CYRIA: variants seen among roughly 807,000 people sequenced by gnomAD.
CYRIA encodes CYFIP-related Rac1 interactor A.
CYRIA carries 15 observed loss-of-function variants against 43.9 expected under a neutral mutation model. That is an observed-to-expected ratio of 0.34 (90% confidence interval 0.23 to 0.53). The LOEUF (loss-of-function observed/expected upper bound fraction) is 0.53. CYRIA is among the 20% of genes least tolerant of loss of function. CYRIA has a pLI of 0.94. For synonymous variants in CYRIA, 117 were observed against 136.0 expected (o/e 0.86, Z 0.97); for missense variants, 236 against 394.2 (o/e 0.60, Z 3.40).
intron 2 of CYRIA, among the ~76,000 whole-genome samples, chr2:16,607,317 C>A (rs974529429): frequency 4.2e-4 from 3 of 7,182 alleles, no homozygotes; most frequent in African/African-American, 6.5e-4. Flanking sequence ...CAGGGAGGGG[C>A]GGGTGGGGGG....
intron 1 of CYRIA, among the ~76,000 whole-genome samples, chr2:16,649,607 C>T (rs546247446): frequency 6.6e-6 from 1 of 151,408 alleles, no homozygotes; most frequent in Non-Finnish European, 1.5e-5. Flanking sequence ...CAGTACAGGG[C>T]ATGGTTGTAC....
chr2:16,660,319 C>T (rs1307467929), intron 1 of CYRIA, among the ~76,000 whole-genome samples: 1 of 152,236 alleles, frequency 6.6e-6, no homozygotes, highest in Non-Finnish European at 1.5e-5. Context: ...CTTAGGTGGG[C>T]AGCCTTCCAG....
At chr2:16,581,719 A>G (rs537908368) in intron 3 of CYRIA, among the ~76,000 whole-genome samples, 23 of 152,322 alleles carry the variant, frequency 1.5e-4, no homozygotes, top group South Asian at 6.2e-4. Flanking sequence ...GTATTTACCC[A>G]AGGAATATAA....
At chr2:16,638,263 C>A (rs1468250795) in intron 1 of CYRIA, among the ~76,000 whole-genome samples, 3 of 152,300 alleles carry the variant, frequency 2.0e-5, no homozygotes, top group East Asian at 3.9e-4. Flanking sequence ...AGGTATGGTA[C>A]CTCCATCTTG....
At chr2:16,664,705 G>A (rs1670344731) in intron 1 of CYRIA, among the ~76,000 whole-genome samples, 1 of 152,210 alleles carries the variant, frequency 6.6e-6, no homozygotes, top group African/African-American at 2.4e-5. Flanking sequence ...CTGTGCAGAT[G>A]GCCCAGGTCC....
chr2:16,592,458 G>A (rs35755986), intron 2 of CYRIA, among the ~76,000 whole-genome samples: 31,595 of 151,924 alleles, frequency 0.21, 3,705 homozygotes, highest in Admixed American at 0.29. Flanking sequence ...TCCTCTCTGG[G>A]AGGCCTTTTA....
chr2:16,644,367 C>CT (rs1168197860), intron 1 of CYRIA, among the ~76,000 whole-genome samples: 8 of 152,248 alleles, frequency 5.3e-5, no homozygotes, highest in African/African-American at 1.9e-4. Context: ...AGATCAGTCC[C>CT]TTTGGTGGAT....
chr2:16,554,940 T>A, intron 11 of CYRIA, 129 bp downstream of exon 11: 2 of 585,740 alleles, frequency 3.4e-6, no homozygotes, highest in Non-Finnish European at 5.8e-6. Flanking sequence ...CTCAAAAGAT[T>A]GTTAGGAAGA....
At chr2:16,555,748 CT>C (rs1324409764) in intron 10 of CYRIA, among the ~76,000 whole-genome samples, 1 of 152,098 alleles carries the variant, frequency 6.6e-6, no homozygotes, top group East Asian at 1.9e-4. Context: ...ATCAGAGAAA[CT>C]TGGAGAATTT....
chr2:16,657,791 G>T (rs1670157146), intron 1 of CYRIA, among the ~76,000 whole-genome samples: 2 of 152,252 alleles, frequency 1.3e-5, no homozygotes, highest in South Asian at 4.1e-4. Flanking sequence ...TTACATACAT[G>T]CCCAGCAGGG....
chr2:16,627,768 C>T (rs370333655), intron 1 of CYRIA, among the ~76,000 whole-genome samples: 9 of 152,278 alleles, frequency 5.9e-5, no homozygotes, highest in Admixed American at 3.3e-4. Context: ...AGCTGCTGTG[C>T]AGGCAGAATT....
chr2:16,653,026 C>T (rs1032632004), intron 1 of CYRIA, among the ~76,000 whole-genome samples: 1 of 152,206 alleles, frequency 6.6e-6, no homozygotes, highest in Admixed American at 6.5e-5. Context: ...CAGAAGTCTT[C>T]ATAAAAGCTG....
chr2:16,615,441 G>A (rs1009396376), intron 2 of CYRIA, among the ~76,000 whole-genome samples: 18 of 152,156 alleles, frequency 1.2e-4, no homozygotes, highest in Non-Finnish European at 2.1e-4. Flanking sequence ...AGTTTACATT[G>A]TAACCAGGGA....
intron 3 of CYRIA, among the ~76,000 whole-genome samples, chr2:16,570,078 G>A (rs963999459): frequency 1.3e-5 from 2 of 152,066 alleles, no homozygotes; most frequent in Admixed American, 6.6e-5. Flanking sequence ...GGGATAGAAT[G>A]CTGGGTACTT....
chr2:16,647,992 G>A (rs1464729364), intron 1 of CYRIA, among the ~76,000 whole-genome samples: 2 of 152,064 alleles, frequency 1.3e-5, no homozygotes, highest in African/African-American at 2.4e-5. Flanking sequence ...CTGACCTCCC[G>A]GGCTGTAAAC....
intron 1 of CYRIA, among the ~76,000 whole-genome samples, chr2:16,634,169 G>A (rs1436479768): frequency 6.6e-6 from 1 of 152,192 alleles, no homozygotes; most frequent in African/African-American, 2.4e-5. Flanking sequence ...TGGGCAGCAG[G>A]CATCTGAGAC....
At chr2:16,644,733 C>T (rs1158936688) in intron 1 of CYRIA, among the ~76,000 whole-genome samples, 1 of 152,138 alleles carries the variant, frequency 6.6e-6, no homozygotes, top group African/African-American at 2.4e-5. Flanking sequence ...GAAGATGATT[C>T]CAGCATCACT....
At chr2:16,602,249 CA>C (rs1668240347) in intron 2 of CYRIA, among the ~76,000 whole-genome samples, 1 of 152,090 alleles carries the variant, frequency 6.6e-6, no homozygotes, top group South Asian at 2.1e-4. Flanking sequence ...TTGAATGACC[CA>C]ATACCTTCCA....
At chr2:16,665,649 GGGA>G (rs1670371830) in intron 1 of CYRIA, 128 bp downstream of exon 1, 2 of 151,780 alleles carry the variant, frequency 1.3e-5, no homozygotes, top group Admixed American at 6.6e-5. Context: ...AGGGGCGTCC[GGGA>G]GGAGAAGGAT....
Sources: gnomAD v4.1 joint callset for allele counts (sites outside exome capture counted in the v4.1 genomes callset) on GRCh38, gnomAD v4.1.1 for gene constraint, MANE v1.5 for transcripts, NCBI Gene and HGNC (gene_info 2026-07-23, HGNC 2026-07-21) for gene names.